The following ZNF320 variants were observed in gnomAD, a reference collection of about 807,000 sequenced individuals.
ZNF320 encodes zinc finger gene 320.
Under a neutral mutation model 6.8 loss-of-function variants are expected in ZNF320, and 2 were observed. The ratio of observed to expected loss-of-function variants is 0.29; its 90% CI spans 0.12 to 0.93. The LOEUF (loss-of-function observed/expected upper bound fraction) is 0.93. ZNF320 is among the 40% of genes least tolerant of loss of function. ZNF320 has a pLI of 0.55. For synonymous variants in ZNF320, 208 were observed against 203.2 expected (o/e 1.02, Z -0.20); for missense variants, 472 against 611.0 (o/e 0.77, Z 2.40).
At chr19:52,889,669 C>T (rs1034690343) in intron 4 of ZNF320, among the ~76,000 whole-genome samples, 1 of 152,088 alleles carries the variant, frequency 6.6e-6, no homozygotes, top group Non-Finnish European at 1.5e-5. Context: ...GGTTGATTTC[C>T]TATTCTTAAA....
intron 3 of ZNF320, 132 bp from the exon 4 acceptor site, chr19:52,890,460 TA>T: frequency 1.4e-6 from 1 of 733,794 alleles, no homozygotes; most frequent in Non-Finnish European, 2.1e-6. Flanking sequence ...CCAGGGATGA[TA>T]AACTCCTACA....
chr19:52,894,093 T>A (rs11670858), intron 1 of ZNF320: 1 of 151,884 alleles, frequency 6.6e-6, no homozygotes, highest in Non-Finnish European at 1.5e-5. Context: ...AATTAAAAAC[T>A]AGTGAAGAGG....
intron 5 of ZNF320, among the ~76,000 whole-genome samples, chr19:52,866,752 T>C (rs995489365): frequency 2.0e-5 from 3 of 151,478 alleles, no homozygotes; most frequent in Admixed American, 1.3e-4. Context: ...ATACCTGTAA[T>C]GCAGCTACTC....
downstream of ZNF320, among the ~76,000 whole-genome samples, chr19:52,872,070 C>A (rs1278836037): frequency 2.6e-5 from 4 of 152,146 alleles, no homozygotes; most frequent in Non-Finnish European, 5.9e-5. Flanking sequence ...GCCTGTCATC[C>A]TGGCTCCTTG....
chr19:52,867,339 C>G (rs376362635), intron 5 of ZNF320, among the ~76,000 whole-genome samples: 1 of 150,700 alleles, frequency 6.6e-6, no homozygotes, highest in Admixed American at 6.6e-5. Context: ...CTGGGATTAC[C>G]GGTACGTGCC....
upstream of ZNF320, among the ~76,000 whole-genome samples, chr19:52,900,934 CT>C (rs560785126): frequency 1.3e-5 from 2 of 150,558 alleles, no homozygotes; most frequent in Non-Finnish European, 3.0e-5. Flanking sequence ...AACTGTGTAA[CT>C]TTTTTTCTAA....
intron 1 of ZNF320, among the ~76,000 whole-genome samples, chr19:52,896,551 A>T (rs1471354810): frequency 2.0e-5 from 3 of 152,078 alleles, no homozygotes; most frequent in African/African-American, 7.2e-5. Flanking sequence ...TCTACCAAGT[A>T]CACAAAAATT....
At chr19:52,889,350 C>A (rs1044605574) in intron 4 of ZNF320, among the ~76,000 whole-genome samples, 2 of 151,822 alleles carry the variant, frequency 1.3e-5, no homozygotes, top group Admixed American at 6.6e-5. Flanking sequence ...ACTGCCTGGC[C>A]TGGAGGACAG....
intron 1 of ZNF320, 199 bp from the exon 2 acceptor site, chr19:52,894,055 T>C (rs774204851): frequency 1.3e-5 from 2 of 152,046 alleles, no homozygotes; most frequent in Non-Finnish European, 2.9e-5. Flanking sequence ...ACTCAATACA[T>C]GGGTTCAAAA....
exon 6 of ZNF320, chr19:52,862,603 A>G: frequency 2.1e-6 from 1 of 481,602 alleles, no homozygotes; most frequent in South Asian, 2.0e-5. Context: ...TCACTATACC[A>G]TGGATTGCTT....
At chr19:52,874,563 T>G (rs117130967), downstream of ZNF320, among the ~76,000 whole-genome samples, 1,260 of 152,294 alleles carry the variant, frequency 8.3e-3, 5 homozygotes, top group Non-Finnish European at 0.014. Flanking sequence ...AACCCTAATG[T>G]GAAGTCAGGG....
At chr19:52,865,993 GATTATACATATATATTTATAT>G (rs1292067244) in intron 5 of ZNF320, among the ~76,000 whole-genome samples, 32 of 101,522 alleles carry the variant, frequency 3.2e-4, no homozygotes, top group Non-Finnish European at 5.7e-4. Context: ...TTATATATAT[GATTATACATATATATTTATAT>G]ATTATACATA....
chr19:52,866,608 C>T (rs573420593), intron 5 of ZNF320, among the ~76,000 whole-genome samples: 10 of 152,086 alleles, frequency 6.6e-5, no homozygotes, highest in South Asian at 4.1e-4. Flanking sequence ...CTTTGGCTCA[C>T]GCATGTAATC....
chr19:52,903,932 G>T, the ZNF320 span, among the ~76,000 whole-genome samples: 1 of 152,184 alleles, frequency 6.6e-6, no homozygotes, highest in Non-Finnish European at 1.5e-5. Context: ...CAGGCATGCT[G>T]TGGGTGATCA....
In ZNF320 at chr19:52,886,977, A is replaced by AGAAAGAAG. The variant is rs2064103353; in HGVS notation, c.142+1149_142+1150insCTTCTTTC. ...AGAAAGAAAGAAAGAAAAGAAAGAAAGAAGGAAGGAAGGAAGGAAGGAAGG... is the reference window on the plus strand; with the variant it reads ...AGAAAGAAAGAAAGAAAAGAAAGAAAGAAAGAAGGAAGGAAGGAAGGAAGGAAGGAAGG... On this transcript the variant is annotated intron_variant, in intron 5 of 5. Transcript: ENST00000682928. Among the ~76,000 whole-genome samples, 3 of 123,152 alleles carry AGAAAGAAG rather than the reference A, an allele frequency of 2.4e-5. No homozygotes were observed. The Admixed American group carries it at 2.5e-4, about 10-fold the overall frequency. The allele number at this position is 123,152 out of a possible 152,430, so 80.8% of individuals were successfully genotyped here.
At chr19:52,861,140 C>G (rs1482857724) in exon 6 of ZNF320, among the ~76,000 whole-genome samples, 1 of 152,144 alleles carries the variant, frequency 6.6e-6, no homozygotes, top group African/African-American at 2.4e-5. Flanking sequence ...CAAAATACTA[C>G]TGGAACTAAT....
chr19:52,881,239 G>T lies in ZNF320; in HGVS notation c.887C>A (p.Thr296Asn), dbSNP rs1028712976. The change falls in exon 6 of 6, where the codon ACT (threonine) becomes AAT (asparagine). Residue 296 changes from threonine to asparagine, a missense_variant. Thr to Asn is a moderately conservative substitution (Grantham distance 65). This residue lies in a region of ZNF320 where 462 missense variants were observed against 559.7 expected (regional missense o/e 0.83). Transcript: ENST00000682928. ...ATTACACTTATAGGGTTTCTCTGCAGTATGAACTGCCTTATGAATTACGAG... is the reference window on the plus strand; with the variant it reads ...ATTACACTTATAGGGTTTCTCTGCATTATGAACTGCCTTATGAATTACGAG... Reference protein sequence around the residue: ...SVLVIHKAVHTAEKPYKCNEC... With the variant: ...SVLVIHKAVHNAEKPYKCNEC... 2 of 1,613,942 alleles carry T rather than the reference G, an allele frequency of 1.2e-6. No homozygotes were observed. Among genetic ancestry groups the T allele is most frequent in the Non-Finnish European group, 1.7e-6 (2 of 1,180,018 alleles).
chr19:52,864,036 C>CAG lies in ZNF320; in HGVS notation c.345_346dup (p.Cys116SerfsTer37), dbSNP rs1600552773. Reference sequence around the variant, plus strand: ...TCTGGAGGAACATTTTCCTCACCCACAGACTCCAGGTTCCTGTAGTTCTCC... The same window carrying CAG: ...TCTGGAGGAACATTTTCCTCACCCACAGAGACTCCAGGTTCCTGTAGTTCTCC... On this transcript the variant is annotated frameshift_variant, in exon 6 of 6. Coordinates refer to the ZNF320 transcript ENST00000673631. LOFTEE classifies it high-confidence loss of function. The CAG allele has an allele frequency of 2.0e-6, 1 of 500,762 alleles. No homozygotes were observed. The highest frequency in any genetic ancestry group is 2.0e-5 in the African/African-American group (1 of 49,064). 31.0% of individuals were successfully genotyped at this position (500,762 alleles called of 1,614,324 possible).
chr19:52,865,549 A>G (rs1188546745), intron 5 of ZNF320: 1 of 121,278 alleles, frequency 8.2e-6, no homozygotes, highest in African/African-American at 3.5e-5. Context: ...GATTATACAT[A>G]TATATTTATA....
Sources: gnomAD v4.1 joint callset for allele counts (sites outside exome capture counted in the v4.1 genomes callset) on GRCh38, gnomAD v4.1.1 for gene constraint, gnomAD v4.1.1 regional missense constraint, MANE v1.5 for transcripts, NCBI Gene and HGNC (gene_info 2026-07-23, HGNC 2026-07-21) for gene names.